SEMA6D: variants seen among roughly 807,000 people sequenced by gnomAD.
SEMA6D encodes semaphorin-6D.
Under a neutral mutation model 106.6 loss-of-function variants are expected in SEMA6D, and 35 were observed. The observed-to-expected ratio is 0.33, with a 90% CI of 0.25 to 0.44. The LOEUF (loss-of-function observed/expected upper bound fraction) is 0.44. SEMA6D is among the 20% of genes least tolerant of loss of function. The pLI is 1.00. For synonymous variants in SEMA6D, 499 were observed against 487.7 expected (o/e 1.02, Z -0.31); for missense variants, 1,185 against 1,345.9 (o/e 0.88, Z 1.87).
At chr15:47,327,581 C>G (rs571787916) in intron 1 of SEMA6D, among the ~76,000 whole-genome samples, 9 of 152,226 alleles carry the variant, frequency 5.9e-5, no homozygotes, top group African/African-American at 2.2e-4. Context: ...TGCTTTTTGT[C>G]TTTTGACTTG....
At chr15:47,345,533 T>C (rs561417812) in intron 1 of SEMA6D, among the ~76,000 whole-genome samples, 1 of 152,108 alleles carries the variant, frequency 6.6e-6, no homozygotes, top group Non-Finnish European at 1.5e-5. Context: ...TTATACCTCA[T>C]AGCATACACA....
chr15:47,629,847 A>C (rs2077263514), intron 4 of SEMA6D, among the ~76,000 whole-genome samples: 1 of 151,932 alleles, frequency 6.6e-6, no homozygotes, highest in South Asian at 2.1e-4. Flanking sequence ...AGTGACCACC[A>C]ATGCTATTCA....
intron 2 of SEMA6D, among the ~76,000 whole-genome samples, chr15:47,457,855 A>G (rs1469521575): frequency 6.6e-6 from 1 of 151,954 alleles, no homozygotes; most frequent in Non-Finnish European, 1.5e-5. Context: ...ATTGTCATCA[A>G]ATTGCTGAAA....
chr15:47,255,626 G>T (rs1275639591), intron 1 of SEMA6D, among the ~76,000 whole-genome samples: 1 of 151,952 alleles, frequency 6.6e-6, no homozygotes, highest in East Asian at 1.9e-4. Flanking sequence ...CTTCCAGTCT[G>T]TAGTTTGTCT....
chr15:47,424,506 T>C (rs1289771805), intron 2 of SEMA6D, among the ~76,000 whole-genome samples: 2 of 152,144 alleles, frequency 1.3e-5, no homozygotes, highest in African/African-American at 4.8e-5. Context: ...TTGTAATAAC[T>C]TGGAAAGTAA....
At chr15:47,629,141 A>G (rs2573566) in intron 4 of SEMA6D, among the ~76,000 whole-genome samples, 12 of 152,064 alleles carry the variant, frequency 7.9e-5, no homozygotes, top group South Asian at 4.1e-4. Flanking sequence ...GCAGCTACAT[A>G]ATAAGTCATA....
intron 3 of SEMA6D, among the ~76,000 whole-genome samples, chr15:47,531,545 G>C (rs1342659141): frequency 1.3e-5 from 2 of 152,220 alleles, no homozygotes; most frequent in Admixed American, 1.3e-4. Context: ...CTGTATATAT[G>C]TGGATATGTA....
intron 1 of SEMA6D, among the ~76,000 whole-genome samples, chr15:47,202,755 G>A (rs1305542446): frequency 2.0e-5 from 3 of 151,886 alleles, no homozygotes; most frequent in South Asian, 2.1e-4. Context: ...TCTGCCTTAC[G>A]CCCCTCAATT....
chr15:47,413,439 C>T (rs2040864141), intron 2 of SEMA6D, among the ~76,000 whole-genome samples: 1 of 152,012 alleles, frequency 6.6e-6, no homozygotes, highest in African/African-American at 2.4e-5. Context: ...ATATTTGGTA[C>T]ATTCAGTTCT....
chr15:47,384,300 C>T (rs190071278), intron 1 of SEMA6D, among the ~76,000 whole-genome samples: 7 of 152,318 alleles, frequency 4.6e-5, no homozygotes, highest in South Asian at 2.1e-4. Flanking sequence ...GCATTTCTAG[C>T]GCCTATTCAC....
chr15:47,299,169 G>A (rs1407755674), intron 1 of SEMA6D, among the ~76,000 whole-genome samples: 1 of 152,168 alleles, frequency 6.6e-6, no homozygotes, highest in Admixed American at 6.5e-5. Context: ...ACAGTGACAT[G>A]CAAATGAATC....
chr15:47,415,129 G>A (rs545139641), intron 2 of SEMA6D, among the ~76,000 whole-genome samples: 38 of 152,064 alleles, frequency 2.5e-4, no homozygotes, highest in African/African-American at 7.2e-4. Context: ...CATCTTCATC[G>A]ATCTGGTCTG....
chr15:47,268,068 AAGACCTACTGAAAC>A (rs1566962389), intron 1 of SEMA6D, among the ~76,000 whole-genome samples: 3 of 152,276 alleles, frequency 2.0e-5, no homozygotes, highest in Admixed American at 2.0e-4. Flanking sequence ...GACCCCACCC[AAGACCTACTGAAAC>A]AGAAACGGCA....
intron 1 of SEMA6D, among the ~76,000 whole-genome samples, chr15:47,735,012 C>T (rs934118303): frequency 1.1e-4 from 17 of 151,998 alleles, no homozygotes; most frequent in African/African-American, 4.1e-4. Flanking sequence ...ATGCTAATTT[C>T]CCAGAAGAGA....
intron 3 of SEMA6D, among the ~76,000 whole-genome samples, chr15:47,495,949 G>A (rs1289120065): frequency 6.6e-6 from 1 of 151,956 alleles, no homozygotes; most frequent in Non-Finnish European, 1.5e-5. Flanking sequence ...CATTTAATGA[G>A]GTTGTTAAAC....
chr15:47,356,585 C>G (rs778432453), intron 1 of SEMA6D, among the ~76,000 whole-genome samples: 1 of 151,432 alleles, frequency 6.6e-6, no homozygotes, highest in Non-Finnish European at 1.5e-5. Context: ...AAAAAAAAAT[C>G]CTTACAAAGG....
chr15:47,771,980 T>G lies in SEMA6D; in HGVS notation c.*195T>G, dbSNP rs1490475241. On this transcript the variant is annotated 3_prime_UTR_variant, in exon 19 of 19. Transcript: ENST00000536845. Reference sequence around the variant, plus strand: ...GCAGCAAGGCTTCTGTGTACTTGCCTGAAAACAAAGGAAGGTGCTGGTCAT... The same window carrying G: ...GCAGCAAGGCTTCTGTGTACTTGCCGGAAAACAAAGGAAGGTGCTGGTCAT... The G allele has an allele frequency of 1.7e-6, 1 of 590,022 alleles. No individual in the cohort carries two copies. Among genetic ancestry groups the G allele is most frequent in the Non-Finnish European group, 3.0e-6 (1 of 337,664 alleles). 36.5% of individuals were successfully genotyped at this position (590,022 alleles called of 1,614,324 possible). A position where few individuals can be genotyped will look rare whatever the true frequency, so the allele number is the denominator to read the frequency against.
chr15:47,303,370 G>C (rs1328199276), intron 1 of SEMA6D, among the ~76,000 whole-genome samples: 5 of 152,188 alleles, frequency 3.3e-5, no homozygotes, highest in African/African-American at 4.8e-5. Flanking sequence ...TGCATTTACT[G>C]TTCCAGTTTC....
chr15:47,741,439 G>A (rs1455209747), intron 1 of SEMA6D, among the ~76,000 whole-genome samples: 4 of 152,206 alleles, frequency 2.6e-5, no homozygotes, highest in African/African-American at 7.2e-5. Flanking sequence ...TAAGAAGGCC[G>A]GGCACAGTGG....
Sources: gnomAD v4.1 joint callset for allele counts (sites outside exome capture counted in the v4.1 genomes callset) on GRCh38, gnomAD v4.1.1 for gene constraint, MANE v1.5 for transcripts, NCBI Gene and HGNC (gene_info 2026-07-23, HGNC 2026-07-21) for gene names.